INTS3: variants seen among roughly 807,000 people sequenced by gnomAD.
The protein encoded by INTS3 is integrator complex subunit 3.
A neutral mutation model predicts 146.3 loss-of-function variants in INTS3; 34 were observed. That is an observed-to-expected ratio of 0.23 (90% CI 0.18 to 0.31). The LOEUF (loss-of-function observed/expected upper bound fraction) is 0.31. INTS3 is among the 10% of genes least tolerant of loss of function. INTS3 has a pLI of 1.00. For missense variants in INTS3, 757 were observed against 1,304.2 expected (o/e 0.58, Z 6.46); for synonymous variants, 475 against 494.9 (o/e 0.96, Z 0.53).
intron 1 of INTS3, among the ~76,000 whole-genome samples, chr1:153,738,633 A>T (rs944576442): frequency 2.0e-5 from 3 of 152,208 alleles, no homozygotes; most frequent in African/African-American, 7.2e-5. Flanking sequence ...TACAGTGATT[A>T]TTATATTCCT....
At chr1:153,754,070 G>C (rs1334240377) in intron 8 of INTS3, among the ~76,000 whole-genome samples, 1 of 151,710 alleles carries the variant, frequency 6.6e-6, no homozygotes, top group Non-Finnish European at 1.5e-5. Context: ...CAAGGTGCTA[G>C]GATTACAGGT....
At position 153,772,743 on chromosome 1, in the gene INTS3, G is replaced by A. The variant is rs1418901377; in HGVS notation, c.2894+32G>A. On this transcript the variant is annotated intron_variant, in intron 28 of 29. Transcript: ENST00000318967. The surrounding 1 kb of genome is among the most constrained non-coding windows in gnomAD (Gnocchi z 4.6). ...CTCCTGCCACTTTGGGCCTTGGAAA[G>A]TAGTAGGGGAAAAGCCTAAGGGAGA... 1.9e-6 allele frequency: 3 copies of A among 1,609,462 alleles called. No homozygotes were observed. Among genetic ancestry groups the A allele is most frequent in the Non-Finnish European group, 2.5e-6 (3 of 1,177,510 alleles).
rs188434014 is a variant in INTS3 at position 153,746,464 on chromosome 1, G to A, written c.319-493G>A. ...GACCCAGGCTAGAGTGCAGTGGCGC[G>A]ATCTCCGCTCACTGCAAACTCCGCC... On this transcript the variant is annotated intron_variant, in intron 3 of 29. Transcript: ENST00000318967. Among the ~76,000 whole-genome samples, 439 of 151,624 alleles carry A rather than the reference G, an allele frequency of 2.9e-3. 2 individuals carry two copies. The highest frequency in any genetic ancestry group is 9.3e-3 in the African/African-American group (383 of 41,340).
At position 153,751,175 on chromosome 1, in the gene INTS3, C is replaced by G; in HGVS notation, c.665C>G (p.Thr222Ser). Residue 222 changes from threonine to serine, a missense_variant, in exon 7 of 30, where the codon ACT becomes AGT. Around this residue, in one of 8 missense-constraint regions of INTS3, gnomAD observed 134 missense variants for 243.1 expected, o/e 0.55. Coordinates refer to ENST00000318967, the MANE Select transcript of INTS3 (RefSeq NM_023015.5). ...YLRLIVDHHG[T>S]AQLQALRQKE... ...CGCCTCATCGTGGACCACCATGGGA[C>G]TGCCCAGCTCCAGGCCCTGCGACAG... The G allele has an allele frequency of 1.2e-6, 2 of 1,614,184 alleles. No homozygotes were observed.
At chr1:153,753,078 G>C (rs1308805037) in intron 8 of INTS3, among the ~76,000 whole-genome samples, 1 of 150,098 alleles carries the variant, frequency 6.7e-6, no homozygotes, top group African/African-American at 2.5e-5. Context: ...CACTCACTCT[G>C]AAGGCAGTTG....
At chr1:153,755,592 TC>T (rs1312102673) in intron 9 of INTS3, among the ~76,000 whole-genome samples, 1 of 152,136 alleles carries the variant, frequency 6.6e-6, no homozygotes, top group Non-Finnish European at 1.5e-5. Context: ...CCCAGGCCAT[TC>T]CTCTGCGGCC....
intron 11 of INTS3, 84 bp downstream of exon 11, chr1:153,759,697 C>T (rs956784497): frequency 5.8e-5 from 51 of 883,252 alleles, no homozygotes; most frequent in Non-Finnish European, 9.5e-5. Flanking sequence ...TCATAAATCT[C>T]AGGGCACCGT....
intron 25 of INTS3, among the ~76,000 whole-genome samples, chr1:153,770,996 C>T (rs1310420228): frequency 2.6e-5 from 4 of 152,130 alleles, no homozygotes; most frequent in South Asian, 2.1e-4. Context: ...TTCCTGCTGC[C>T]ACAGCAGTTC....
chr1:153,739,994 G>GT (rs1316605151), intron 1 of INTS3, among the ~76,000 whole-genome samples: 2 of 150,370 alleles, frequency 1.3e-5, no homozygotes, highest in Non-Finnish European at 3.0e-5. Flanking sequence ...TAGAGACGGA[G>GT]TTTCACATGT....
At chr1:153,771,281 A>G (rs1672853342) in intron 25 of INTS3, among the ~76,000 whole-genome samples, 1 of 151,936 alleles carries the variant, frequency 6.6e-6, no homozygotes, top group Admixed American at 6.5e-5. Flanking sequence ...TATCCTTCCT[A>G]CCTTTCTGCC....
chr1:153,737,206 C>T (rs2101781773), intron 1 of INTS3, among the ~76,000 whole-genome samples: 1 of 152,334 alleles, frequency 6.6e-6, no homozygotes, highest in South Asian at 2.1e-4. Context: ...CTTTGTCCTT[C>T]TTTTGCCAGA....
intron 1 of INTS3, among the ~76,000 whole-genome samples, chr1:153,735,849 A>G (rs1029275587): frequency 6.6e-6 from 1 of 152,150 alleles, no homozygotes; most frequent in African/African-American, 2.4e-5. Context: ...CAGCCTCCCA[A>G]GTACCTGGGA....
chr1:153,772,040 G>GTGA lies in INTS3; in HGVS notation c.2720+79_2720+80insATG. 7.1e-7 allele frequency: 1 copy of GTGA among 1,400,908 alleles called. No individual in the cohort carries two copies. The highest frequency in any genetic ancestry group is 9.7e-7 in the Non-Finnish European group (1 of 1,031,022). 86.8% of individuals were successfully genotyped at this position (1,400,908 alleles called of 1,614,324 possible). On this transcript the variant is annotated intron_variant, in intron 26 of 29. Coordinates refer to ENST00000318967, the MANE Select transcript of INTS3 (RefSeq NM_023015.5). The surrounding 1 kb of genome is among the most constrained non-coding windows in gnomAD (Gnocchi z 4.6). The stretch of plus-strand genomic sequence containing the variant: ...GCTGTCGGTGGTGGTGGTGGTGGTG[G>GTGA]TGGTGGTGGTGATGGGGGTCAGTGC...
chr1:153,758,196 C>G (rs1672233531), intron 10 of INTS3, among the ~76,000 whole-genome samples: 1 of 152,178 alleles, frequency 6.6e-6, no homozygotes, highest in African/African-American at 2.4e-5. Flanking sequence ...GAGGCATTTC[C>G]TTTCAAATGT....
chr1:153,754,863 C>G, intron 9 of INTS3, 124 bp downstream of exon 9: 1 of 698,454 alleles, frequency 1.4e-6, no homozygotes, highest in Non-Finnish European at 2.6e-6. Flanking sequence ...CGTACCTGAT[C>G]TACCTGGCTA....
In INTS3 at chr1:153,764,188, G is replaced by A. The variant is rs886866467; in HGVS notation, c.1892G>A (p.Arg631Gln). 6 of 1,613,970 alleles carry A rather than the reference G, an allele frequency of 3.7e-6. No individual in the cohort carries two copies. Among genetic ancestry groups the A allele is most frequent in the Admixed American group, 3.3e-5 (2 of 60,006 alleles). The change falls in exon 18 of 30, where the codon CGA becomes CAA. Residue 631 changes from arginine to glutamine, a missense_variant. Arg to Gln is a conservative substitution (Grantham distance 43). Coordinates refer to ENST00000318967, the MANE Select transcript of INTS3 (RefSeq NM_023015.5). Reference sequence around the variant, plus strand: ...CAGGAGCTCTTCAAGGCCCACTTTCGAGGGGAGGTCCTGCCTGAGGAGATT... The same window carrying A: ...CAGGAGCTCTTCAAGGCCCACTTTCAAGGGGAGGTCCTGCCTGAGGAGATT... The part of the protein sequence containing the change: ...CLQELFKAHF[R>Q]GEVLPEEITE...
intron 11 of INTS3, chr1:153,760,001 A>G: frequency 4.0e-6 from 2 of 504,310 alleles, no homozygotes; most frequent in Non-Finnish European, 7.1e-6. Flanking sequence ...CTCAGTGGAA[A>G]TGGGGGGAAT....
In INTS3 at chr1:153,747,295, G is replaced by A. The variant is rs375960489; in HGVS notation, c.449G>A (p.Arg150Gln). ...TCRTQLVWLV[R>Q]ELVKSGVLGA... ...TTCCTTTAGTTGGTGTGGTTGGTACGGGAACTGGTGAAGAGTGGGGTTCTG... is the reference window on the plus strand; with the variant it reads ...TTCCTTTAGTTGGTGTGGTTGGTACAGGAACTGGTGAAGAGTGGGGTTCTG... Residue 150 changes from arginine to glutamine, a missense_variant, in exon 5 of 30, where the codon CGG becomes CAG. Arg to Gln is a conservative substitution (Grantham distance 43, BLOSUM62 1). Around this residue, in one of 8 missense-constraint regions of INTS3, gnomAD observed 160 missense variants for 193.7 expected, o/e 0.83. Transcript: ENST00000318967. 3.5e-5 allele frequency: 56 copies of A among 1,613,958 alleles called. No individual in the cohort carries two copies. The highest frequency in any genetic ancestry group is 4.3e-5 in the Non-Finnish European group (51 of 1,179,954).
At chr1:153,740,764 G>A in intron 2 of INTS3, 30 bp downstream of exon 2, 1 of 1,516,258 alleles carries the variant, frequency 6.6e-7, no homozygotes, top group Non-Finnish European at 9.2e-7. Context: ...TGCAGCCACT[G>A]CTGCTGCTGT....
Sources: allele counts gnomAD v4.1 joint callset (sites outside exome capture counted in the v4.1 genomes callset), GRCh38; gene constraint gnomAD v4.1.1; regional missense constraint gnomAD v4.1.1; non-coding constraint Gnocchi (gnomAD v3.1); transcripts MANE v1.5; gene names NCBI Gene and HGNC (gene_info 2026-07-23, HGNC 2026-07-21).